Variants in PRSS23 observed in about 807,000 individuals in gnomAD.
PRSS23 encodes the protein serine protease 23.
A neutral mutation model predicts 34.7 loss-of-function variants in PRSS23; 25 were observed. That is an observed-to-expected ratio of 0.72 (90% CI 0.53 to 1.01). The LOEUF (loss-of-function observed/expected upper bound fraction) is 1.01. PRSS23 is among the 50% of genes least tolerant of loss of function. PRSS23 has a pLI of 0.00. For synonymous variants in PRSS23, 176 were observed against 186.6 expected, an observed-to-expected ratio of 0.94 and a Z score of 0.46; for missense variants, 445 against 475.6, an observed-to-expected ratio of 0.94 and a Z score of 0.60.
At chr11:86,843,792 T>C (rs1948466127) in intron 2 of PRSS23, among the ~76,000 whole-genome samples, 1 of 152,098 alleles carries the variant, frequency 6.6e-6, no homozygotes, top group Admixed American at 6.6e-5. Context: ...AGTGGAGAAA[T>C]AGGAACACTT....
intron 2 of PRSS23, chr11:86,939,251 GGACACTGCATTGA>G (rs1227528683): frequency 3.7e-6 from 1 of 268,784 alleles, no homozygotes; most frequent in Non-Finnish European, 7.4e-6. Flanking sequence ...CTAATTACAG[GGACACTGCATTGA>G]GTCTGTCCTA....
intron 2 of PRSS23, among the ~76,000 whole-genome samples, chr11:86,869,522 G>A (rs1158128965): frequency 6.6e-6 from 1 of 152,190 alleles, no homozygotes; most frequent in African/African-American, 2.4e-5. Context: ...GCCATGGTAA[G>A]TACTAGAAAT....
intron 2 of PRSS23, among the ~76,000 whole-genome samples, chr11:86,847,216 A>AT (rs1452614703): frequency 6.4e-4 from 97 of 152,290 alleles, no homozygotes; most frequent in African/African-American, 1.5e-3. Context: ...TAAGCTTACT[A>AT]AGCCTCCTGT....
chr11:86,946,369 C>T (rs1317349217), intron 2 of PRSS23: 2 of 152,136 alleles, frequency 1.3e-5, no homozygotes, highest in Non-Finnish European at 2.9e-5. Context: ...GCTTTGAGGA[C>T]ATGGCTCATA....
At position 86,808,336 on chromosome 11, in the gene PRSS23, G is replaced by T. The variant is rs750808960; in HGVS notation, c.693G>T (p.Lys231Asn). 3.7e-6 allele frequency: 6 copies of T among 1,614,056 alleles called. No homozygotes were observed. The highest frequency in any genetic ancestry group is 3.3e-5 in the Admixed American group (2 of 60,008). ...WIRVKRTHVP[K>N]GWIKGNANDI... ...GGGTGAAACGCACCCATGTGCCCAA[G>T]GGTTGGATCAAGGGCAATGCCAATG... The change falls in exon 2 of 2, where the codon AAG becomes AAT. Residue 231 changes from lysine (K) to asparagine (N), a missense_variant. By Grantham distance (94) the Lys-to-Asn change is moderately conservative (BLOSUM62 0). Coordinates refer to ENST00000280258, the MANE Select transcript of PRSS23 (RefSeq NM_007173.6).
chr11:86,947,657 C>G (rs1466999131), intron 2 of PRSS23: 1 of 152,216 alleles, frequency 6.6e-6, no homozygotes, highest in Admixed American at 6.5e-5. Flanking sequence ...CAGCAACAGT[C>G]TCAGAGATCA....
Position 86,951,709 on chromosome 11 carries a change from A to C in PRSS23, c.*424A>C, listed in dbSNP as rs756932392. The C allele has an allele frequency of 1.2e-6, 2 of 1,614,198 alleles. No homozygotes were observed. The highest frequency in any genetic ancestry group is 2.7e-5 in the African/African-American group (2 of 75,058). ...TCACTGCGGGGATGGCCCAGGCTGC[A>C]ATGTGGAAATAAGAGCTGTGCATTT... On this transcript the variant is annotated 3_prime_UTR_variant, in exon 3 of 3. Coordinates refer to the PRSS23 transcript ENST00000533902.
Position 86,867,883 on chromosome 11 carries a change from A to AAAAAAAAAAAAAAAG in PRSS23, c.206+44298_206+44299insAAAAAAGAAAAAAAA, listed in dbSNP as rs1555076602. 2.1e-3 allele frequency among the ~76,000 whole-genome samples: 316 copies of AAAAAAAAAAAAAAAG among 151,174 alleles called. 7 individuals carry two copies. Among genetic ancestry groups the AAAAAAAAAAAAAAAG allele is most frequent in the African/African-American group, 7.4e-3 (302 of 40,832 alleles). ...GAGTGAGACCCTACCTCAAAAAAAAAAAAAAAAATACAACAGAGGATTTTG... is the reference window on the plus strand; with the variant it reads ...GAGTGAGACCCTACCTCAAAAAAAAAAAAAAAAAAAAAAAGAAAAAAAATACAACAGAGGATTTTG... On this transcript the variant is annotated intron_variant, in intron 2 of 2. Transcript: ENST00000533902.
chr11:86,851,646 T>C (rs1437061154), intron 2 of PRSS23, among the ~76,000 whole-genome samples: 6 of 152,212 alleles, frequency 3.9e-5, no homozygotes, highest in Middle Eastern at 3.2e-3. Context: ...ACAACTTTTC[T>C]AGTCTGTTAA....
At chr11:86,840,169 A>G (rs755950362) in intron 2 of PRSS23, among the ~76,000 whole-genome samples, 1 of 152,212 alleles carries the variant, frequency 6.6e-6, no homozygotes, top group Non-Finnish European at 1.5e-5. Context: ...TTGGATAAAG[A>G]GTCAAGACCC....
chr11:86,923,809 T>A (rs1949062198), intron 2 of PRSS23, among the ~76,000 whole-genome samples: 1 of 152,228 alleles, frequency 6.6e-6, no homozygotes, highest in Admixed American at 6.5e-5. Flanking sequence ...TAATGTCACC[T>A]GGCTTGTAAG....
At chr11:86,854,145 C>T (rs1366719531) in intron 2 of PRSS23, among the ~76,000 whole-genome samples, 2 of 152,190 alleles carry the variant, frequency 1.3e-5, no homozygotes, top group South Asian at 2.1e-4. Flanking sequence ...GGACTATAGG[C>T]ATCTGCCACC....
intron 2 of PRSS23, among the ~76,000 whole-genome samples, chr11:86,938,175 T>C (rs533218120): frequency 6.6e-6 from 1 of 152,278 alleles, no homozygotes; most frequent in African/African-American, 2.4e-5. Context: ...GAACCAGCAT[T>C]GGGCGCAAGA....
chr11:86,900,764 C>T (rs1948905961), intron 2 of PRSS23, among the ~76,000 whole-genome samples: 1 of 143,744 alleles, frequency 7.0e-6, no homozygotes, highest in African/African-American at 2.6e-5. Flanking sequence ...CAAATTTCAG[C>T]ATTATTATCT....
intron 2 of PRSS23, among the ~76,000 whole-genome samples, chr11:86,850,138 G>A (rs1165947856): frequency 2.6e-5 from 4 of 152,074 alleles, no homozygotes; most frequent in Admixed American, 6.5e-5. Flanking sequence ...TCACCTTTAG[G>A]CCTTGCATTT....
At chr11:86,916,152 T>A (rs1014227759) in intron 2 of PRSS23, among the ~76,000 whole-genome samples, 1 of 152,132 alleles carries the variant, frequency 6.6e-6, no homozygotes, top group African/African-American at 2.4e-5. Flanking sequence ...CATACAAATA[T>A]AATATTTAAA....
At position 86,821,475 on chromosome 11, in the gene PRSS23, C is replaced by G. The variant is rs73520775; in HGVS notation, c.-11-1902C>G. The G allele has an allele frequency of 1.7e-3, 2,785 of 1,609,938 alleles. 38 individuals carry two copies. The African/African-American group carries it at 0.032, about 19-fold the overall frequency. On this transcript the variant is annotated intron_variant, in intron 1 of 2. Transcript: ENST00000533902. ...CTGGTATAGGCTATAGCAGGACACT[C>G]TTTCAGAGCTTTATGAGCTGCACAA...
intron 2 of PRSS23, chr11:86,922,230 C>T (rs1444141139): frequency 1.3e-5 from 2 of 152,220 alleles, no homozygotes; most frequent in African/African-American, 4.8e-5. Context: ...TGAGACAATA[C>T]TGACCAAGTT....
chr11:86,801,009 C>T (rs976528907), intron 1 of PRSS23, among the ~76,000 whole-genome samples: 3 of 152,098 alleles, frequency 2.0e-5, no homozygotes, highest in Non-Finnish European at 2.9e-5. Flanking sequence ...CCATGCACCC[C>T]CCCAACACAC....
Sources: gnomAD v4.1 joint callset for allele counts (sites outside exome capture counted in the v4.1 genomes callset) on GRCh38, gnomAD v4.1.1 for gene constraint, MANE v1.5 for transcripts, NCBI Gene and HGNC (gene_info 2026-07-23, HGNC 2026-07-21) for gene names.